The following NDST3 variants were observed in gnomAD, a reference collection of about 807,000 sequenced individuals.
NDST3 encodes bifunctional heparan sulfate N-deacetylase/N-sulfotransferase 3.
Under a neutral mutation model 96.1 loss-of-function variants are expected in NDST3, and 58 were observed. That is an observed-to-expected ratio of 0.60 (90% CI 0.49 to 0.75). The LOEUF is 0.75. NDST3 is among the 30% of genes least tolerant of loss of function. The pLI is 0.00. For missense variants in NDST3, 788 were observed against 1,034.2 expected, an observed-to-expected ratio of 0.76 and a Z score of 3.27; for synonymous variants, 333 against 359.7, an observed-to-expected ratio of 0.93 and a Z score of 0.84.
intron 2 of NDST3, among the ~76,000 whole-genome samples, chr4:118,063,833 T>A (rs752843432): frequency 2.0e-5 from 3 of 152,166 alleles, no homozygotes; most frequent in Non-Finnish European, 4.4e-5. Flanking sequence ...AAAATGCAGA[T>A]CTACCTGGCT....
chr4:118,092,626 C>G (rs1482297122), intron 2 of NDST3, among the ~76,000 whole-genome samples: 1 of 151,748 alleles, frequency 6.6e-6, no homozygotes, highest in Non-Finnish European at 1.5e-5. Flanking sequence ...TGTACCTCAG[C>G]TTCAGGTCTA....
At position 118,051,518 on chromosome 4, in the gene NDST3, G is replaced by C. The variant is rs551109196; in HGVS notation, c.-155-2238G>C. 8.5e-4 allele frequency among the ~76,000 whole-genome samples: 129 copies of C among 152,070 alleles called. 1 individual carries two copies. The highest frequency in any genetic ancestry group is 2.9e-3 in the African/African-American group (119 of 41,496). On this transcript the variant is annotated intron_variant, in intron 1 of 13. Coordinates refer to ENST00000296499, the MANE Select transcript of NDST3 (RefSeq NM_004784.3). ...TTCACAAAGTGTGCATCCAACAAAG[G>C]TCTAATATCCAGAGTCTACAAGAAA...
chr4:118,122,790 G>A (rs1165531690), intron 4 of NDST3, among the ~76,000 whole-genome samples: 4 of 152,136 alleles, frequency 2.6e-5, no homozygotes, highest in Non-Finnish European at 5.9e-5. Flanking sequence ...ATATTTACTA[G>A]ACATTGCGCT....
chr4:118,255,626 C>G lies in NDST3; in HGVS notation c.2536C>G (p.His846Asp), dbSNP rs760857945. The G allele has an allele frequency of 7.4e-6, 12 of 1,613,610 alleles. No homozygotes were observed. Among genetic ancestry groups the G allele is most frequent in the African/African-American group, 2.7e-5 (2 of 74,902 alleles). ...RTFLSSYYRD[H>D]NVELSKLLHK... ...ATTTCTGTCAAGCTACTATCGAGAT[C>G]ACAACGTGGAACTCTCAAAGCTGCT... Residue 846 changes from histidine (H) to aspartate (D), a missense_variant, in exon 14 of 14, where the codon CAC becomes GAC. By Grantham distance (81) the His-to-Asp change is moderately conservative. Coordinates refer to ENST00000296499, the MANE Select transcript of NDST3 (RefSeq NM_004784.3).
intron 11 of NDST3, among the ~76,000 whole-genome samples, chr4:118,241,189 T>C (rs985717813): frequency 1.4e-5 from 2 of 140,340 alleles, no homozygotes; most frequent in Non-Finnish European, 3.3e-5. Context: ...GGTATATACC[T>C]GTGAGTCTAG....
intron 12 of NDST3, among the ~76,000 whole-genome samples, chr4:118,252,289 G>A (rs1741796845): frequency 6.6e-6 from 1 of 152,094 alleles, no homozygotes. Flanking sequence ...AAAAGAAAAG[G>A]CCCTAAACCG....
At position 118,226,873 on chromosome 4, in the gene NDST3, T is replaced by C. The variant is rs111691068; in HGVS notation, c.1723-13T>C. On this transcript the variant is annotated splice_polypyrimidine_tract_variant and intron_variant, in intron 7 of 13. Transcript: ENST00000296499. ...TGAAAAAAAATACATCTCTATGTTC[T>C]TCTCCCATTTAGAATCCTTGCGATG... 75 of 1,589,500 alleles carry C rather than the reference T, an allele frequency of 4.7e-5. No homozygotes were observed. The East Asian group carries it at 1.4e-3, about 29-fold the overall frequency.
At chr4:118,197,743 GTTTTTGGGGGGT>G (rs1347807015) in intron 6 of NDST3, among the ~76,000 whole-genome samples, 1 of 148,966 alleles carries the variant, frequency 6.7e-6, no homozygotes, top group African/African-American at 2.5e-5. Flanking sequence ...TTGGGTCTCA[GTTTTTGGGGGGT>G]TTTTTGGTGT....
intron 6 of NDST3, among the ~76,000 whole-genome samples, chr4:118,199,759 G>T (rs1737942367): frequency 6.6e-6 from 1 of 152,098 alleles, no homozygotes; most frequent in African/African-American, 2.4e-5. Context: ...AGCTATATCT[G>T]CTTTAGAGAG....
At chr4:118,242,209 T>C (rs1380113068) in intron 12 of NDST3, 60 bp downstream of exon 12, 5 of 1,247,176 alleles carry the variant, frequency 4.0e-6, no homozygotes, top group African/African-American at 1.5e-5. Context: ...TTCAAAGAAA[T>C]TGCAGTTTGG....
chr4:118,180,658 A>G (rs755422912), intron 6 of NDST3, among the ~76,000 whole-genome samples: 23 of 152,196 alleles, frequency 1.5e-4, no homozygotes, highest in Non-Finnish European at 2.9e-4. Context: ...AAGCCTAAGA[A>G]GAAAGCACCA....
At chr4:118,085,692 T>G (rs1356699322) in intron 2 of NDST3, among the ~76,000 whole-genome samples, 1 of 152,184 alleles carries the variant, frequency 6.6e-6, no homozygotes, top group African/African-American at 2.4e-5. Context: ...TTGGGTTAGG[T>G]AGTGGCTTGT....
chr4:118,114,440 T>C (rs1730888359), intron 3 of NDST3, among the ~76,000 whole-genome samples: 1 of 152,210 alleles, frequency 6.6e-6, no homozygotes, highest in African/African-American at 2.4e-5. Context: ...TGACACATAT[T>C]CCTTGCTCAT....
At chr4:118,160,114 G>A (rs564144672) in intron 6 of NDST3, among the ~76,000 whole-genome samples, 1 of 152,140 alleles carries the variant, frequency 6.6e-6, no homozygotes, top group South Asian at 2.1e-4. Context: ...CACCAGAAAA[G>A]GTTATAATAA....
chr4:118,039,775 T>C (rs1336954531), intron 1 of NDST3, among the ~76,000 whole-genome samples: 1 of 152,076 alleles, frequency 6.6e-6, no homozygotes, highest in Non-Finnish European at 1.5e-5. Context: ...GGAAAGACCC[T>C]GAGACAGAAA....
At chr4:118,046,169 C>T (rs1724749032) in intron 1 of NDST3, among the ~76,000 whole-genome samples, 2 of 152,334 alleles carry the variant, frequency 1.3e-5, no homozygotes, top group East Asian at 1.9e-4. Flanking sequence ...TGGCCCTCAA[C>T]AGCTCCGGGG....
chr4:118,070,020 T>C (rs1726920393), intron 2 of NDST3, among the ~76,000 whole-genome samples: 1 of 152,152 alleles, frequency 6.6e-6, no homozygotes, highest in African/African-American at 2.4e-5. Flanking sequence ...ACAGTGTTCC[T>C]GCAGTGAGCA....
chr4:118,152,961 G>A (rs1001979014), intron 6 of NDST3, among the ~76,000 whole-genome samples: 5 of 152,178 alleles, frequency 3.3e-5, no homozygotes, highest in African/African-American at 1.2e-4. Context: ...TCTGTGAAAT[G>A]TCCATTCTTG....
intron 4 of NDST3, among the ~76,000 whole-genome samples, chr4:118,117,948 G>A (rs759380315): frequency 6.6e-6 from 1 of 152,104 alleles, no homozygotes; most frequent in Non-Finnish European, 1.5e-5. Context: ...CTTTTCCCTC[G>A]GATTCCCTGA....
Sources: gnomAD v4.1 joint callset for allele counts (sites outside exome capture counted in the v4.1 genomes callset) on GRCh38, gnomAD v4.1.1 for gene constraint, MANE v1.5 for transcripts, NCBI Gene and HGNC (gene_info 2026-07-23, HGNC 2026-07-21) for gene names.